SLC25A37: variants seen among roughly 807,000 people sequenced by gnomAD.
The protein encoded by SLC25A37 is mitoferrin-1.
SLC25A37 carries 17 observed loss-of-function variants against 31.0 expected under a neutral mutation model. That is an observed-to-expected ratio of 0.55 (90% CI 0.38 to 0.82). The LOEUF (loss-of-function observed/expected upper bound fraction) is 0.82, where lower values mean the gene tolerates loss of function less well. Ranked by LOEUF, SLC25A37 falls within the 40% of genes least tolerant of loss-of-function variation. SLC25A37 has a pLI of 0.00. For synonymous variants in SLC25A37, 222 were observed against 193.0 expected (o/e 1.15, Z -1.24); for missense variants, 404 against 465.8 (o/e 0.87, Z 1.22).
At chr8:23,538,875 G>C (rs1309055797) in intron 1 of SLC25A37, among the ~76,000 whole-genome samples, 3 of 152,186 alleles carry the variant, frequency 2.0e-5, no homozygotes, top group African/African-American at 7.2e-5. Context: ...TGCAGGTCTA[G>C]AGCCTACAGG....
intron 1 of SLC25A37, among the ~76,000 whole-genome samples, chr8:23,537,731 A>G (rs1017822269): frequency 6.6e-6 from 1 of 152,188 alleles, no homozygotes; most frequent in African/African-American, 2.4e-5. Flanking sequence ...TTTTTGTCAC[A>G]CTGGGATCCT....
chr8:23,562,590 C>T (rs576603790), intron 1 of SLC25A37, among the ~76,000 whole-genome samples: 1 of 152,318 alleles, frequency 6.6e-6, no homozygotes, highest in East Asian at 1.9e-4. Context: ...GTGGCCTGCA[C>T]AACCCTGGAA....
chr8:23,571,972 C>A lies in SLC25A37; in HGVS notation c.*117C>A. The A allele has an allele frequency of 1.8e-6, 2 of 1,139,202 alleles. No individual in the cohort carries two copies. The highest frequency in any genetic ancestry group is 2.5e-6 in the Non-Finnish European group (2 of 805,954). 70.6% of individuals were successfully genotyped at this position (1,139,202 alleles called of 1,614,324 possible). On this transcript the variant is annotated 3_prime_UTR_variant, in exon 4 of 4. Transcript: ENST00000519973. ...CAGGGTGCTGCCTATGGGCCCTCTG[C>A]TCCCCAATGCCTTAGAGAGAGGAGG...
chr8:23,554,843 G>A (rs76671277), intron 1 of SLC25A37, among the ~76,000 whole-genome samples: 3,468 of 152,294 alleles, frequency 0.023, 49 homozygotes, highest in East Asian at 0.071. Context: ...TCTGTTGCAC[G>A]GCCTGTTGCT....
At chr8:23,532,865 G>C (rs1043960001) in intron 1 of SLC25A37, among the ~76,000 whole-genome samples, 3 of 152,218 alleles carry the variant, frequency 2.0e-5, no homozygotes, top group African/African-American at 7.2e-5. Flanking sequence ...CTGGGGGGCA[G>C]TGCAGGCAGC....
chr8:23,538,074 A>G (rs1801807386), intron 1 of SLC25A37, among the ~76,000 whole-genome samples: 1 of 151,896 alleles, frequency 6.6e-6, no homozygotes, highest in African/African-American at 2.4e-5. Context: ...AAAAAAAGTT[A>G]TGAAAAGCTT....
intron 1 of SLC25A37, chr8:23,531,958 G>A (rs894332141): frequency 6.6e-6 from 1 of 152,258 alleles, no homozygotes; most frequent in African/African-American, 2.4e-5. Context: ...ATACGGGTGT[G>A]CCTGGCATGC....
chr8:23,568,517 T>G, intron 3 of SLC25A37, 139 bp downstream of exon 3: 1 of 925,752 alleles, frequency 1.1e-6, no homozygotes, highest in South Asian at 1.4e-5. Flanking sequence ...AGAATTGAAT[T>G]TTTTACTACG....
At chr8:23,538,850 A>G (rs1259870192) in intron 1 of SLC25A37, among the ~76,000 whole-genome samples, 1 of 152,150 alleles carries the variant, frequency 6.6e-6, no homozygotes, top group African/African-American at 2.4e-5. Flanking sequence ...TGAACTGCTC[A>G]AGCTGCTGCC....
intron 1 of SLC25A37, among the ~76,000 whole-genome samples, chr8:23,563,646 AG>A (rs1802572820): frequency 6.6e-6 from 1 of 152,212 alleles, no homozygotes; most frequent in African/African-American, 2.4e-5. Flanking sequence ...TGTTTTTGCC[AG>A]TCTGTGGTAG....
At chr8:23,571,192 G>T (rs924034099) in intron 3 of SLC25A37, 143 bp from the exon 4 acceptor site, 1 of 986,046 alleles carries the variant, frequency 1.0e-6, no homozygotes. Flanking sequence ...CTAGGGCTGT[G>T]TGTGCTGGCT....
At chr8:23,553,547 G>T (rs1802284692) in intron 1 of SLC25A37, among the ~76,000 whole-genome samples, 1 of 152,234 alleles carries the variant, frequency 6.6e-6, no homozygotes, top group Admixed American at 6.5e-5. Context: ...TCAAGGGGAG[G>T]CCCTGGGTAG....
At chr8:23,538,618 A>G (rs1220392055) in intron 1 of SLC25A37, among the ~76,000 whole-genome samples, 2 of 151,810 alleles carry the variant, frequency 1.3e-5, no homozygotes, top group Non-Finnish European at 2.9e-5. Context: ...TTGGCCACTC[A>G]TGTCATTCCA....
chr8:23,538,380 C>CAAAAAAA (rs1286476649), intron 1 of SLC25A37, among the ~76,000 whole-genome samples: 1 of 10,756 alleles, frequency 9.3e-5, no homozygotes, highest in Non-Finnish European at 2.0e-4. Flanking sequence ...GACTTCATCT[C>CAAAAAAA]AAAAAAAAAA....
intron 1 of SLC25A37, among the ~76,000 whole-genome samples, chr8:23,557,977 C>T (rs1021473890): frequency 6.6e-6 from 1 of 152,092 alleles, no homozygotes; most frequent in Non-Finnish European, 1.5e-5. Flanking sequence ...AGCCCTGGGC[C>T]CCCCTGGAGT....
chr8:23,545,320 C>T (rs1287511407), intron 1 of SLC25A37, among the ~76,000 whole-genome samples: 1 of 152,204 alleles, frequency 6.6e-6, no homozygotes, highest in East Asian at 1.9e-4. Flanking sequence ...CTCTCTCTTT[C>T]CTTGTAGCCT....
At chr8:23,569,502 T>C (rs1484147511) in intron 3 of SLC25A37, among the ~76,000 whole-genome samples, 1 of 152,192 alleles carries the variant, frequency 6.6e-6, no homozygotes, top group Admixed American at 6.5e-5. Context: ...GGCTATTCTT[T>C]AGGGCTAGTG....
intron 1 of SLC25A37, among the ~76,000 whole-genome samples, chr8:23,546,323 TAAAA>T (rs1802036434): frequency 6.6e-6 from 1 of 151,192 alleles, no homozygotes; most frequent in African/African-American, 2.4e-5. Context: ...AATGAATAAA[TAAAA>T]GAACAGAAAA....
chr8:23,548,479 T>C (rs952459850), intron 1 of SLC25A37, among the ~76,000 whole-genome samples: 3 of 143,080 alleles, frequency 2.1e-5, no homozygotes, highest in Non-Finnish European at 4.6e-5. Context: ...CGTCCGGGCT[T>C]TTTTTTTTTT....
Sources: allele counts gnomAD v4.1 joint callset (sites outside exome capture counted in the v4.1 genomes callset), GRCh38; gene constraint gnomAD v4.1.1; transcripts MANE v1.5; gene names NCBI Gene and HGNC (gene_info 2026-07-23, HGNC 2026-07-21).